The following NACA variants were observed in gnomAD, a reference collection of about 807,000 sequenced individuals.
The protein encoded by NACA is nascent polypeptide associated complex subunit alpha.
A neutral mutation model predicts 86.4 loss-of-function variants in NACA; 42 were observed. The ratio of observed to expected loss-of-function variants is 0.49; its 90% CI spans 0.38 to 0.63. The LOEUF (loss-of-function observed/expected upper bound fraction) is 0.63, where lower values mean the gene tolerates loss of function less well. Ranked by LOEUF, NACA falls within the 20% of genes least tolerant of loss-of-function variation. The pLI is 0.00. For missense variants in NACA, 2,157 were observed against 2,483.6 expected (o/e 0.87, Z 2.80); for synonymous variants, 898 against 973.7 (o/e 0.92, Z 1.45).
intron 2 of NACA, among the ~76,000 whole-genome samples, chr12:56,723,367 G>C (rs893744583): frequency 6.6e-6 from 1 of 152,138 alleles, no homozygotes; most frequent in Non-Finnish European, 1.5e-5. Flanking sequence ...TCAAATCTTC[G>C]TATTTGTAAA....
In NACA at chr12:56,720,632, C is replaced by G. The variant is rs1403408130; in HGVS notation, c.898G>C (p.Asp300His). The part of the protein sequence containing the change: ...QKTAGPNTPP[D>H]FPISLGSHLA... ...TGAGAGCCCAGAGAAATGGGAAAAT[C>G]TGGGGGGGTGTTGGGACCCGCAGTC... Residue 300 changes from aspartate (D) to histidine (H), a missense_variant, in exon 3 of 9, where the codon GAT becomes CAT. By Grantham distance (81) the Asp-to-His change is moderately conservative. Around this residue, in one of 8 missense-constraint regions of NACA, gnomAD observed 947 missense variants for 917.9 expected, o/e 1.03. Coordinates refer to ENST00000454682, the MANE Select transcript of NACA (RefSeq NM_001365896.1). The G allele has an allele frequency of 3.1e-6, 5 of 1,613,938 alleles. No homozygotes were observed. The highest frequency in any genetic ancestry group is 2.2e-5 in the South Asian group (2 of 91,076).
chr12:56,721,305 C>G lies in NACA; in HGVS notation c.225G>C (p.Ser75=), dbSNP rs751815629. The part of the protein sequence containing the change: ...SPFPSPSTIA[S]TPLEVPFPQS... ...GGGGAAAAGGAACTTCTAAAGGGGT[C>G]GAGGCAATAGTAGAGGGGGAAGGGA... The change falls in exon 3 of 9, where the codon TCG becomes TCC. Residue 75 remains serine (S), a synonymous_variant. Transcript: ENST00000454682. 3 of 1,600,840 alleles carry G rather than the reference C, an allele frequency of 1.9e-6. No homozygotes were observed. The highest frequency in any genetic ancestry group is 2.6e-6 in the Non-Finnish European group (3 of 1,174,016).
Position 56,720,180 on chromosome 12 carries a change from A to G in NACA, c.1350T>C (p.Ala450=), listed in dbSNP as rs1206456661. ...PLVVTNPCTI[A]AAPTTTFEVA... is the part of the protein sequence containing the mutation. ...CCTCAAAGGTAGTAGTAGGTGCTGC[A>G]GCAATTGTACAGGGGTTAGTCACCA... Residue 450 remains alanine (A), a synonymous_variant, in exon 3 of 9, where the codon GCT becomes GCC. Coordinates refer to ENST00000454682, the MANE Select transcript of NACA (RefSeq NM_001365896.1). 6.2e-7 allele frequency: 1 copy of G among 1,613,852 alleles called. No individual in the cohort carries two copies. Among genetic ancestry groups the G allele is most frequent in the East Asian group, 2.2e-5 (1 of 44,896 alleles).
At chr12:56,724,416 A>T in intron 2 of NACA, 36 bp downstream of exon 2, 1 of 1,582,572 alleles carries the variant, frequency 6.3e-7, no homozygotes, top group Non-Finnish European at 8.6e-7. Flanking sequence ...TTTAGGGTTA[A>T]TTTTAATTAA....
Position 56,718,490 on chromosome 12 carries a change from C to T in NACA, c.3040G>A (p.Val1014Met), listed in dbSNP as rs755281791. The T allele has an allele frequency of 9.6e-6, 12 of 1,247,760 alleles. No individual in the cohort carries two copies. The Admixed American group carries it at 2.3e-4, about 24-fold the overall frequency. The allele number at this position is 1,247,760 out of a possible 1,614,324, so 77.3% of individuals were successfully genotyped here. A position where few individuals can be genotyped will look rare whatever the true frequency, so the allele number is the denominator to read the frequency against. Residue 1014 changes from valine to methionine, a missense_variant, in exon 3 of 9, where the codon GTG (valine) becomes ATG (methionine). Transcript: ENST00000454682. ...SPKGAPTPPA[V>M]TPPSPKGSPA... The stretch of plus-strand genomic sequence containing the variant: ...CTTCCTTTGGGGGAGGGAGGAGTCA[C>T]AGCTGGGGGTGTGGGGGCCCCTTTG...
chr12:56,714,712 G>A (rs757669138), intron 3 of NACA, 25 bp from the exon 4 acceptor site: 4 of 1,600,724 alleles, frequency 2.5e-6, no homozygotes, highest in Non-Finnish European at 3.4e-6. Flanking sequence ...AACTTTTACT[G>A]CTTTATAGTA....
rs1953507952 is a variant in NACA, at chr12:56,719,434, G to GGTAAA, written c.2091_2095dup (p.Pro699LeufsTer28). The stretch of plus-strand genomic sequence containing the variant: ...ATTTTCTGAAGCTGTAGGAACCAAG[G>GGTAAA]GTAAAGTAGTAAGAGTACCTTCCTT... On this transcript the variant is annotated frameshift_variant, in exon 3 of 9. Transcript: ENST00000454682. LOFTEE classifies it high-confidence loss of function. 6.2e-7 allele frequency: 1 copy of GGTAAA among 1,612,980 alleles called. No individual in the cohort carries two copies. The highest frequency in any genetic ancestry group is 1.3e-5 in the African/African-American group (1 of 74,900).
rs2137830283 is a variant in NACA at position 56,721,334 on chromosome 12, G to A, written c.196C>T (p.Pro66Ser). 1 of 1,610,532 alleles carries A rather than the reference G, an allele frequency of 6.2e-7. No homozygotes were observed. Among genetic ancestry groups the A allele is most frequent in the Non-Finnish European group, 8.5e-7 (1 of 1,178,542 alleles). Residue 66 changes from proline to serine, a missense_variant, in exon 3 of 9, where the codon CCA (proline) becomes TCA (serine). Coordinates refer to ENST00000454682, the MANE Select transcript of NACA (RefSeq NM_001365896.1). ...CPLSAANQAS[P>S]FPSPSTIAST... is the part of the protein sequence containing the mutation. ...GCAATAGTAGAGGGGGAAGGGAATG[G>A]GGAAGCCTGGTTAGCAGCTGAGAGA...
intron 1 of NACA, 163 bp downstream of exon 1, chr12:56,725,100 A>T (rs527886025): frequency 2.0e-5 from 3 of 152,580 alleles, no homozygotes; most frequent in Non-Finnish European, 2.9e-5. Context: ...TTGCCAGGAC[A>T]CCAACCGCAG....
At position 56,724,804 on chromosome 12, in the gene NACA, C is replaced by A. The variant is rs190962151; in HGVS notation, c.-2-281G>T. ...GGAGACTTCAGACGCTACTGTGAAC[C>A]CCCTCCACTCCTAATACTCACACTG... is the stretch of plus-strand genomic sequence containing the variant. On this transcript the variant is annotated intron_variant, in intron 1 of 8. Coordinates refer to ENST00000454682, the MANE Select transcript of NACA (RefSeq NM_001365896.1). 1.4e-3 allele frequency: 614 copies of A among 430,888 alleles called. 4 individuals are homozygous for A. The highest frequency in any genetic ancestry group is 0.011 in the African/African-American group (541 of 49,430). 26.7% of individuals were successfully genotyped at this position (430,888 alleles called of 1,614,324 possible).
At position 56,719,278 on chromosome 12, in the gene NACA, A is replaced by C. The variant is rs950274973; in HGVS notation, c.2252T>G (p.Val751Gly). Residue 751 changes from valine to glycine, a missense_variant, in exon 3 of 9, where the codon GTT becomes GGT. Transcript: ENST00000454682. ...TGCTGAAGTATGAGAAATACCATCA[A>C]CCTTTTTTGTACCTGGAGGAGTCCC... ...PAGTPPGTKK[V>G]DGISHTSALA... The C allele has an allele frequency of 6.3e-7, 1 of 1,579,852 alleles. No homozygotes were observed. The highest frequency in any genetic ancestry group is 1.1e-5 in the South Asian group (1 of 89,788).
At chr12:56,712,983 C>G (rs1953258569) in intron 7 of NACA, 75 bp from the exon 8 acceptor site, 1 of 1,611,380 alleles carries the variant, frequency 6.2e-7, no homozygotes, top group Non-Finnish European at 8.5e-7. Flanking sequence ...TCTCCTGAAT[C>G]TAGTTTTTAA....
intron 1 of NACA, 62 bp from the exon 2 acceptor site, chr12:56,724,585 GGAGAT>G: frequency 6.6e-7 from 1 of 1,521,638 alleles, no homozygotes; most frequent in Non-Finnish European, 8.9e-7. Context: ...TGCCCAACCC[GGAGAT>G]AAGTATTCTT....
chr12:56,724,543 A>T lies in NACA; in HGVS notation c.-2-20T>A. ...GCATTTCTGAAGGAAGGGAATAAAA[A>T]GGAGGCCTAAATTGATTGGGATACA... On this transcript the variant is annotated intron_variant, in intron 1 of 8. Transcript: ENST00000454682. The T allele has an allele frequency of 6.2e-7, 1 of 1,607,534 alleles. No homozygotes were observed. Among genetic ancestry groups the T allele is most frequent in the East Asian group, 2.2e-5 (1 of 44,752 alleles).
chr12:56,714,450 A>G lies in NACA; in HGVS notation c.5746-11T>C, dbSNP rs202197847. ...AGCTGCTGCCGCCAGCTAAGAAGATAAAACAGCTATTAGTTAACCAGAATC... is the reference window on the plus strand; with the variant it reads ...AGCTGCTGCCGCCAGCTAAGAAGATGAAACAGCTATTAGTTAACCAGAATC... On this transcript the variant is annotated splice_polypyrimidine_tract_variant and intron_variant, in intron 4 of 8. Coordinates refer to ENST00000454682, the MANE Select transcript of NACA (RefSeq NM_001365896.1). The G allele has an allele frequency of 6.2e-7, 1 of 1,613,718 alleles. No individual in the cohort carries two copies. Among genetic ancestry groups the G allele is most frequent in the East Asian group, 2.2e-5 (1 of 44,894 alleles).
chr12:56,715,514 G>C (rs1308876155), intron 3 of NACA, among the ~76,000 whole-genome samples: 2 of 152,134 alleles, frequency 1.3e-5, no homozygotes, highest in African/African-American at 4.8e-5. Flanking sequence ...CCAGGGACAA[G>C]GTTAGTTAGT....
rs1351630823 is a variant in NACA at position 56,724,417 on chromosome 12, T to C, written c.70+35A>G. The C allele has an allele frequency of 3.2e-6, 5 of 1,583,904 alleles. 1 individual carries two copies. In the Admixed American group the frequency reaches 9.2e-5, roughly 29 times the overall value. ...GCCCACCAAATGGCTTTAGGGTTAA[T>C]TTTAATTAATGGCAAGGAGGGTAGG... On this transcript the variant is annotated intron_variant, in intron 2 of 8. Transcript: ENST00000454682.
Position 56,720,997 on chromosome 12 carries a change from G to A in NACA, c.533C>T (p.Pro178Leu), listed in dbSNP as rs1953558908. 6.2e-7 allele frequency: 1 copy of A among 1,613,834 alleles called. No individual in the cohort carries two copies. Among genetic ancestry groups the A allele is most frequent in the Non-Finnish European group, 8.5e-7 (1 of 1,179,884 alleles). Residue 178 changes from proline to leucine, a missense_variant, in exon 3 of 9, where the codon CCC becomes CTC. This residue lies in a region of NACA where 947 missense variants were observed against 917.9 expected (regional missense o/e 1.03). Transcript: ENST00000454682. ...ESGSVITLSA[P>L]IAPSEPKTNL... ...AGTCTTTGGTTCTGAGGGAGCAATGGGAGCTGACAGAGTTATCACTGACCC... is the reference window on the plus strand; with the variant it reads ...AGTCTTTGGTTCTGAGGGAGCAATGAGAGCTGACAGAGTTATCACTGACCC...
Position 56,724,354 on chromosome 12 carries a change from C to T in NACA, c.70+98G>A, listed in dbSNP as rs1197798169. The stretch of plus-strand genomic sequence containing the variant: ...TATCCTCCTTGGTAAAGCTGCAACC[C>T]CATCCTCCTAAAAAGTGTATTTCCC... On this transcript the variant is annotated intron_variant, in intron 2 of 8. Transcript: ENST00000454682. 3 of 1,216,562 alleles carry T rather than the reference C, an allele frequency of 2.5e-6. No homozygotes were observed. In the East Asian group the frequency reaches 7.8e-5, roughly 32 times the overall value. 75.4% of individuals were successfully genotyped at this position (1,216,562 alleles called of 1,614,324 possible).
Sources: gnomAD v4.1 joint callset for allele counts (sites outside exome capture counted in the v4.1 genomes callset) on GRCh38, gnomAD v4.1.1 for gene constraint, gnomAD v4.1.1 regional missense constraint, MANE v1.5 for transcripts, NCBI Gene and HGNC (gene_info 2026-07-23, HGNC 2026-07-21) for gene names.